The following PLCG1 variants were observed in gnomAD, a reference collection of about 807,000 sequenced individuals.
PLCG1 encodes the protein phospholipase C gamma 1.
PLCG1 carries 71 observed loss-of-function variants against 177.8 expected under a neutral mutation model. The observed-to-expected ratio is 0.40, with a 90% CI of 0.33 to 0.49. The LOEUF is 0.49. PLCG1 is among the 20% of genes least tolerant of loss of function. The pLI is 0.72. For missense variants in PLCG1, 1,281 were observed against 1,709.0 expected (o/e 0.75, Z 4.42); for synonymous variants, 658 against 647.9 (o/e 1.02, Z -0.24).
chr20:41,152,853 G>A (rs2035208054), intron 1 of PLCG1, among the ~76,000 whole-genome samples: 1 of 152,284 alleles, frequency 6.6e-6, no homozygotes, highest in South Asian at 2.1e-4. Context: ...CCTGGCCTGG[G>A]CCTGGTGGGG....
rs562569416 is a variant in PLCG1, at chr20:41,171,539, A to C, written c.2809-654A>C. Among the ~76,000 whole-genome samples, 80 of 145,028 alleles carry C rather than the reference A, an allele frequency of 5.5e-4. 1 individual carries two copies. The highest frequency in any genetic ancestry group is 1.9e-3 in the African/African-American group (75 of 38,666). Reference sequence around the variant, plus strand: ...GAGGTGGAGATTGCAGTGAGCCGAGATCACGCCACTGAACTCCAGCCTGGG... The same window carrying C: ...GAGGTGGAGATTGCAGTGAGCCGAGCTCACGCCACTGAACTCCAGCCTGGG... On this transcript the variant is annotated intron_variant, in intron 24 of 31. Coordinates refer to ENST00000685551, the MANE Select transcript of PLCG1 (RefSeq NM_002660.3).
In PLCG1 at chr20:41,164,249, C is replaced by T. The variant is rs1222161060; in HGVS notation, c.1217+48C>T. ...CAGGGGTTAACTTGGCTCCAGGTCT[C>T]TCGTTCTAGAGGGACAGAGGGCAGA... On this transcript the variant is annotated intron_variant, in intron 12 of 31. Transcript: ENST00000685551. This position sits in a 1 kb window ranked among gnomAD's most constrained non-coding sequence, Gnocchi z 6.4. The T allele has an allele frequency of 6.2e-7, 1 of 1,605,384 alleles. No homozygotes were observed. The highest frequency in any genetic ancestry group is 8.5e-7 in the Non-Finnish European group (1 of 1,173,616).
Position 41,166,528 on chromosome 20 carries a change from G to C in PLCG1, c.2053G>C (p.Val685Leu), listed in dbSNP as rs369565813. 9.9e-5 allele frequency: 160 copies of C among 1,614,052 alleles called. No homozygotes were observed. The highest frequency in any genetic ancestry group is 1.3e-4 in the Non-Finnish European group (154 of 1,180,052). ...ACAGGCTGAGCACATGCTAATGCGCGTCCCTCGTGATGGGGCCTTCCTGGT... is the reference window on the plus strand; with the variant it reads ...ACAGGCTGAGCACATGCTAATGCGCCTCCCTCGTGATGGGGCCTTCCTGGT... ...RAQAEHMLMRVPRDGAFLVRK... is the reference protein window; with the variant it reads ...RAQAEHMLMRLPRDGAFLVRK... Residue 685 changes from valine (V) to leucine (L), a missense_variant, in exon 18 of 32, where the codon GTC (valine) becomes CTC (leucine). This residue lies in a region of PLCG1 where 723 missense variants were observed against 1,030.0 expected (regional missense o/e 0.70). Coordinates refer to ENST00000685551, the MANE Select transcript of PLCG1 (RefSeq NM_002660.3). The surrounding 1 kb of genome is among the most constrained non-coding windows in gnomAD (Gnocchi z 8.6).
In PLCG1 at chr20:41,174,466, G is replaced by A; in HGVS notation, c.3834-1G>A. The A allele has an allele frequency of 6.3e-7, 1 of 1,590,242 alleles. No homozygotes were observed. The highest frequency in any genetic ancestry group is 8.6e-7 in the Non-Finnish European group (1 of 1,166,830). On this transcript the variant is annotated splice_acceptor_variant, in intron 31 of 31. Transcript: ENST00000685551. LOFTEE classifies it high-confidence loss of function. This position sits in a 1 kb window ranked among gnomAD's most constrained non-coding sequence, Gnocchi z 5.8. ...TAAGGACACTCTTCCCTTCTGTCCA[G>A]GGCCCCAAGAAGGACTCGGGTCAAT...
In PLCG1 at chr20:41,160,064, G is replaced by A. The variant is rs764236798; in HGVS notation, c.465-42G>A. 7 of 1,611,440 alleles carry A rather than the reference G, an allele frequency of 4.3e-6. No homozygotes were observed. The Admixed American group carries it at 6.7e-5, about 15-fold the overall frequency. On this transcript the variant is annotated intron_variant, in intron 3 of 31. Coordinates refer to ENST00000685551, the MANE Select transcript of PLCG1 (RefSeq NM_002660.3). The surrounding 1 kb of genome is among the most constrained non-coding windows in gnomAD (Gnocchi z 5.5). ...GCCCAGACATCTCCCAGGCCTGACTGTAGATGGAGAAGTGGCCCTCACCTC... is the reference window on the plus strand; with the variant it reads ...GCCCAGACATCTCCCAGGCCTGACTATAGATGGAGAAGTGGCCCTCACCTC...
chr20:41,152,452 G>A (rs900724522), intron 1 of PLCG1, among the ~76,000 whole-genome samples: 2 of 152,170 alleles, frequency 1.3e-5, no homozygotes, highest in Admixed American at 6.5e-5. Flanking sequence ...TGCTTTTTCT[G>A]TTCCCGTTGT....
chr20:41,168,880 T>G lies in PLCG1; in HGVS notation c.2483+10T>G, dbSNP rs752226751. The G allele has an allele frequency of 2.3e-5, 36 of 1,580,480 alleles. No individual in the cohort carries two copies. In the East Asian group the frequency reaches 7.8e-4, roughly 34 times the overall value. ...AGCAAGAGGGAGGCTGGTAAGCCAG[T>G]GGTGTGGTAGGCCCAGAGTCCAAGG... is the stretch of plus-strand genomic sequence containing the variant. On this transcript the variant is annotated intron_variant, in intron 21 of 31. Coordinates refer to ENST00000685551, the MANE Select transcript of PLCG1 (RefSeq NM_002660.3).
rs35980938 is a variant in PLCG1 at position 41,157,204 on chromosome 20, C to CTGTGTGTGTGTGTGTGTGTGTG, written c.218-2386_218-2365dup. ...GTGCAGGAGTGCAGGCCTGTTGACT[C>CTGTGTGTGTGTGTGTGTGTGTG]TGTGTGTGTGTGTGTGTGTGTGTGT... On this transcript the variant is annotated intron_variant, in intron 1 of 31. Coordinates refer to ENST00000685551, the MANE Select transcript of PLCG1 (RefSeq NM_002660.3). The surrounding 1 kb of genome is among the most constrained non-coding windows in gnomAD (Gnocchi z 5.4). Among the ~76,000 whole-genome samples the CTGTGTGTGTGTGTGTGTGTGTG allele has an allele frequency of 6.4e-4, 92 of 144,024 alleles. No homozygotes were observed. Among genetic ancestry groups the CTGTGTGTGTGTGTGTGTGTGTG allele is most frequent in the African/African-American group, 2.4e-3 (88 of 37,318 alleles). 94.5% of individuals were successfully genotyped at this position (144,024 alleles called of 152,430 possible).
In PLCG1 at chr20:41,172,671, T is replaced by G. The variant is rs989092435; in HGVS notation, c.3130+26T>G. 1 of 1,612,526 alleles carries G rather than the reference T, an allele frequency of 6.2e-7. No homozygotes were observed. ...GTGAGGAAGTCCCCTGTGAGGAGGG[T>G]GAGGAGGGGCACTGTGGGGCAGCTG... is the stretch of plus-strand genomic sequence containing the variant. On this transcript the variant is annotated intron_variant, in intron 26 of 31. Coordinates refer to ENST00000685551, the MANE Select transcript of PLCG1 (RefSeq NM_002660.3). This position sits in a 1 kb window ranked among gnomAD's most constrained non-coding sequence, Gnocchi z 7.0.
At position 41,162,868 on chromosome 20, in the gene PLCG1, C is replaced by G. The variant is rs1232618439; in HGVS notation, c.682-90C>G. 3 of 1,368,008 alleles carry G rather than the reference C, an allele frequency of 2.2e-6. No individual in the cohort carries two copies. The African/African-American group carries it at 4.3e-5, about 20-fold the overall frequency. The allele number at this position is 1,368,008 out of a possible 1,614,324, so 84.7% of individuals were successfully genotyped here. A position where few individuals can be genotyped will look rare whatever the true frequency, so the allele number is the denominator to read the frequency against. ...GTTCTTCTCCTCTTGAGGCCTGCCC[C>G]CATCTGCTGCTCTAGCCTGCCTTCT... On this transcript the variant is annotated intron_variant, in intron 6 of 31. Transcript: ENST00000685551.
chr20:41,163,531 C>G lies in PLCG1; in HGVS notation c.891+52C>G. On this transcript the variant is annotated intron_variant, in intron 9 of 31. Transcript: ENST00000685551. The surrounding 1 kb of genome is among the most constrained non-coding windows in gnomAD (Gnocchi z 5.2). ...TGTCAAGAGAATGAGTAGGGGTGAC[C>G]AGGACCCCACCCGGGCTCCAGGAGC... 1 of 1,335,846 alleles carries G rather than the reference C, an allele frequency of 7.5e-7. No individual in the cohort carries two copies. Among genetic ancestry groups the G allele is most frequent in the African/African-American group, 1.4e-5 (1 of 69,814 alleles). The allele number at this position is 1,335,846 out of a possible 1,614,324, so 82.7% of individuals were successfully genotyped here.
At position 41,170,018 on chromosome 20, in the gene PLCG1, G is replaced by A; in HGVS notation, c.2651-94G>A. On this transcript the variant is annotated intron_variant, in intron 23 of 31. Coordinates refer to ENST00000685551, the MANE Select transcript of PLCG1 (RefSeq NM_002660.3). ...GTGTGGGAAGGAGGAAATGGGATGA[G>A]ATAGAACTCATTTGAGCCAGTGCCT... is the stretch of plus-strand genomic sequence containing the variant. 3 of 1,162,542 alleles carry A rather than the reference G, an allele frequency of 2.6e-6. No homozygotes were observed. In the South Asian group the frequency reaches 4.3e-5, roughly 17 times the overall value. 72.0% of individuals were successfully genotyped at this position (1,162,542 alleles called of 1,614,324 possible). A position where few individuals can be genotyped will look rare whatever the true frequency, so the allele number is the denominator to read the frequency against.
In PLCG1 at chr20:41,163,638, C is replaced by A; in HGVS notation, c.892-77C>A. The A allele has an allele frequency of 8.7e-7, 1 of 1,153,828 alleles. No homozygotes were observed. Among genetic ancestry groups the A allele is most frequent in the Non-Finnish European group, 1.3e-6 (1 of 764,486 alleles). The allele number at this position is 1,153,828 out of a possible 1,614,324, so 71.5% of individuals were successfully genotyped here. A position where few individuals can be genotyped will look rare whatever the true frequency, so the allele number is the denominator to read the frequency against. On this transcript the variant is annotated intron_variant, in intron 9 of 31. Coordinates refer to ENST00000685551, the MANE Select transcript of PLCG1 (RefSeq NM_002660.3). This position sits in a 1 kb window ranked among gnomAD's most constrained non-coding sequence, Gnocchi z 5.2. ...CCAGTTGGGACAGAGCACTCTCTCT[C>A]CTACCCCCAACCTACCATCTTGGGT...
chr20:41,174,657 C>G lies in PLCG1; in HGVS notation c.*148C>G, dbSNP rs930726637. 2 of 698,280 alleles carry G rather than the reference C, an allele frequency of 2.9e-6. No individual in the cohort carries two copies. The highest frequency in any genetic ancestry group is 1.8e-5 in the African/African-American group (1 of 56,086). The allele number at this position is 698,280 out of a possible 1,614,324, so 43.3% of individuals were successfully genotyped here. On this transcript the variant is annotated 3_prime_UTR_variant, in exon 32 of 32. Coordinates refer to ENST00000685551, the MANE Select transcript of PLCG1 (RefSeq NM_002660.3). The surrounding 1 kb of genome is among the most constrained non-coding windows in gnomAD (Gnocchi z 5.8). ...TCCAGCAGTGAATGCTAGACAGAAA[C>G]CAAGCCATTAATGAGATGTTATTAC...
Position 41,174,678 on chromosome 20 carries a change from A to T in PLCG1, c.*169A>T, listed in dbSNP as rs1317384806. On this transcript the variant is annotated 3_prime_UTR_variant, in exon 32 of 32. Coordinates refer to ENST00000685551, the MANE Select transcript of PLCG1 (RefSeq NM_002660.3). The surrounding 1 kb of genome is among the most constrained non-coding windows in gnomAD (Gnocchi z 5.8). ...GAAACCAAGCCATTAATGAGATGTT[A>T]TTACTGTTTTGGGCCTCCATGCCCC... 4 of 647,698 alleles carry T rather than the reference A, an allele frequency of 6.2e-6. No individual in the cohort carries two copies. Among genetic ancestry groups the T allele is most frequent in the Non-Finnish European group, 1.1e-5 (4 of 365,342 alleles). The allele number at this position is 647,698 out of a possible 1,614,324, so 40.1% of individuals were successfully genotyped here.
In PLCG1 at chr20:41,169,107, C is replaced by G. The variant is rs1184380929; in HGVS notation, c.2512C>G (p.Gln838Glu). The change falls in exon 22 of 32, where the codon CAG becomes GAG. Residue 838 changes from glutamine to glutamate, a missense_variant. This residue lies in a region of PLCG1 where 723 missense variants were observed against 1,030.0 expected (regional missense o/e 0.70). Coordinates refer to ENST00000685551, the MANE Select transcript of PLCG1 (RefSeq NM_002660.3). ...GCGAGGGGACTACGGAGGGAAGAAGCAGCTGTGGTTCCCATCAAACTACGT... is the reference window on the plus strand; with the variant it reads ...GCGAGGGGACTACGGAGGGAAGAAGGAGCTGTGGTTCCCATCAAACTACGT... ...WWRGDYGGKKQLWFPSNYVEE... is the reference protein window; with the variant it reads ...WWRGDYGGKKELWFPSNYVEE... 6.2e-7 allele frequency: 1 copy of G among 1,614,058 alleles called. No individual in the cohort carries two copies. Among genetic ancestry groups the G allele is most frequent in the East Asian group, 2.2e-5 (1 of 44,880 alleles).
At position 41,157,930 on chromosome 20, in the gene PLCG1, A is replaced by AG. The variant is rs1011267863; in HGVS notation, c.218-1670dup. Among the ~76,000 whole-genome samples the AG allele has an allele frequency of 1.8e-4, 28 of 152,100 alleles. No individual in the cohort carries two copies. Among genetic ancestry groups the AG allele is most frequent in the Non-Finnish European group, 3.4e-4 (23 of 68,028 alleles). On this transcript the variant is annotated intron_variant, in intron 1 of 31. Transcript: ENST00000685551. The surrounding 1 kb of genome is among the most constrained non-coding windows in gnomAD (Gnocchi z 5.4). Reference sequence around the variant, plus strand: ...CTCGGGAGGGGCTTGAATGAGGTCTAGGGGGGTCAGAATAATGTTTTATGA... The same window carrying AG: ...CTCGGGAGGGGCTTGAATGAGGTCTAGGGGGGGTCAGAATAATGTTTTATGA...
chr20:41,166,258 T>A lies in PLCG1; in HGVS notation c.1864T>A (p.Phe622Ile). The A allele has an allele frequency of 6.2e-7, 1 of 1,614,168 alleles. No homozygotes were observed. The highest frequency in any genetic ancestry group is 8.5e-7 in the Non-Finnish European group (1 of 1,180,034). Reference protein sequence around the residue: ...SRQDAGTPKFFLTDNLVFDSL... With the variant: ...SRQDAGTPKFILTDNLVFDSL... ...GCAAGATGCTGGGACCCCCAAGTTC[T>A]TCTTGACAGACAACCTCGTCTTTGA... Residue 622 changes from phenylalanine (F) to isoleucine (I), a missense_variant, in exon 17 of 32, where the codon TTC (phenylalanine) becomes ATC (isoleucine). Phe to Ile is a conservative substitution (Grantham distance 21, BLOSUM62 0). This residue lies in a region of PLCG1 where 723 missense variants were observed against 1,030.0 expected (regional missense o/e 0.70). Coordinates refer to ENST00000685551, the MANE Select transcript of PLCG1 (RefSeq NM_002660.3). The surrounding 1 kb of genome is among the most constrained non-coding windows in gnomAD (Gnocchi z 8.6).
rs555837375 is a variant in PLCG1, at chr20:41,174,699, G to A, written c.*190G>A. ...TGTTATTACTGTTTTGGGCCTCCATGCCCCAGCTCTGGATGAAGGCAAAAA... is the reference window on the plus strand; with the variant it reads ...TGTTATTACTGTTTTGGGCCTCCATACCCCAGCTCTGGATGAAGGCAAAAA... On this transcript the variant is annotated 3_prime_UTR_variant, in exon 32 of 32. Coordinates refer to ENST00000685551, the MANE Select transcript of PLCG1 (RefSeq NM_002660.3). The surrounding 1 kb of genome is among the most constrained non-coding windows in gnomAD (Gnocchi z 5.8). 3 of 611,996 alleles carry A rather than the reference G, an allele frequency of 4.9e-6. No homozygotes were observed. Among genetic ancestry groups the A allele is most frequent in the African/African-American group, 3.7e-5 (2 of 54,352 alleles). The allele number at this position is 611,996 out of a possible 1,614,324, so 37.9% of individuals were successfully genotyped here. A position where few individuals can be genotyped will look rare whatever the true frequency, so the allele number is the denominator to read the frequency against.
Sources: gnomAD v4.1 joint callset for allele counts (sites outside exome capture counted in the v4.1 genomes callset) on GRCh38, gnomAD v4.1.1 for gene constraint, gnomAD v4.1.1 regional missense constraint, Gnocchi (gnomAD v3.1) non-coding constraint, MANE v1.5 for transcripts, NCBI Gene and HGNC (gene_info 2026-07-23, HGNC 2026-07-21) for gene names.